The following CALY variants were observed in gnomAD, a reference collection of about 807,000 sequenced individuals.
CALY encodes neuron-specific vesicular protein calcyon.
In CALY, 15 loss-of-function variants were observed where a neutral mutation model predicts 20.2. That is an observed-to-expected ratio of 0.74 (90% CI 0.50 to 1.14). The LOEUF (loss-of-function observed/expected upper bound fraction) is 1.14, where lower values mean the gene tolerates loss of function less well. Ranked by LOEUF, CALY falls within the 50% of genes most tolerant of loss-of-function variation. The pLI is 0.00. For missense variants in CALY, 270 were observed against 304.4 expected (o/e 0.89, Z 0.84); for synonymous variants, 129 against 131.8 (o/e 0.98, Z 0.15).
intron 1 of CALY, among the ~76,000 whole-genome samples, chr10:133,333,970 C>G: frequency 3.9e-5 from 1 of 25,460 alleles, no homozygotes; most frequent in Non-Finnish European, 6.6e-5. Flanking sequence ...GAAGGGGAGG[C>G]TCTGAGGGGG....
chr10:133,332,221 G>A (rs931980090), intron 1 of CALY, among the ~76,000 whole-genome samples: 9 of 151,982 alleles, frequency 5.9e-5, no homozygotes, highest in East Asian at 3.9e-4. Flanking sequence ...GGGCTACTGC[G>A]TGGTGGAAAA....
intron 1 of CALY, among the ~76,000 whole-genome samples, chr10:133,329,610 G>C (rs901680604): frequency 6.6e-6 from 1 of 151,792 alleles, no homozygotes; most frequent in Non-Finnish European, 1.5e-5. Context: ...GGTCTCAAGC[G>C]ATCTGCTTGC....
At position 133,327,029 on chromosome 10, in the gene CALY, CA is replaced by C. The variant is rs754165003; in HGVS notation, c.247-39del. The C allele has an allele frequency of 4.1e-6, 6 of 1,449,128 alleles. No homozygotes were observed. The South Asian group carries it at 6.0e-5, about 14-fold the overall frequency. The allele number at this position is 1,449,128 out of a possible 1,614,324, so 89.8% of individuals were successfully genotyped here. ...CAGAGAGGGGCTCAGCCACGCCAGG[CA>C]GGGGCGGTCTTTGTGGGGAGCTCCT... On this transcript the variant is annotated intron_variant, in intron 3 of 5. Coordinates refer to ENST00000252939, the MANE Select transcript of CALY (RefSeq NM_015722.4).
At chr10:133,336,159 T>A (rs1848438901) in intron 1 of CALY, among the ~76,000 whole-genome samples, 1 of 152,148 alleles carries the variant, frequency 6.6e-6, no homozygotes, top group South Asian at 2.1e-4. Flanking sequence ...CAGGGGGCTG[T>A]GGCTGCCCCG....
rs763108049 is a variant in CALY at position 133,324,324 on chromosome 10, C to T, written c.*1271G>A. 2 of 455,636 alleles carry T rather than the reference C, an allele frequency of 4.4e-6. No homozygotes were observed. The highest frequency in any genetic ancestry group is 2.0e-5 in the African/African-American group (1 of 50,052). The allele number at this position is 455,636 out of a possible 1,614,324, so 28.2% of individuals were successfully genotyped here. On this transcript the variant is annotated 3_prime_UTR_variant, in exon 6 of 6. Coordinates refer to ENST00000252939, the MANE Select transcript of CALY (RefSeq NM_015722.4). ...AGCTCACCATGGCTTCCCTGGCAGGCCCAGTTCACAGGCTTCCTGGGCACT... is the reference window on the plus strand; with the variant it reads ...AGCTCACCATGGCTTCCCTGGCAGGTCCAGTTCACAGGCTTCCTGGGCACT...
intron 1 of CALY, among the ~76,000 whole-genome samples, chr10:133,329,392 C>CTTCTTCTTTTTTTTTT (rs549430070): frequency 2.5e-4 from 35 of 137,454 alleles, no homozygotes; most frequent in African/African-American, 9.6e-4. Context: ...TCTTCTTCTT[C>CTTCTTCTTTTTTTTTT]TTTTTTTTTT....
chr10:133,327,018 G>C lies in CALY; in HGVS notation c.247-27C>G, dbSNP rs374126151. 101 of 1,511,642 alleles carry C rather than the reference G, an allele frequency of 6.7e-5. No homozygotes were observed. The African/African-American group carries it at 1.1e-3, about 17-fold the overall frequency. The allele number at this position is 1,511,642 out of a possible 1,614,324, so 93.6% of individuals were successfully genotyped here. ...TGGCAGGAGGGCAGAGAGGGGCTCA[G>C]CCACGCCAGGCAGGGGCGGTCTTTG... On this transcript the variant is annotated intron_variant, in intron 3 of 5. Transcript: ENST00000252939.
intron 1 of CALY, among the ~76,000 whole-genome samples, chr10:133,329,371 A>G (rs1164400547): frequency 7.5e-6 from 1 of 133,124 alleles, no homozygotes; most frequent in East Asian, 2.1e-4. Context: ...CCTCTTTCTT[A>G]TTCTCCTTCT....
At chr10:133,326,267 C>T in intron 4 of CALY, 147 bp from the exon 5 acceptor site, 1 of 1,550,514 alleles carries the variant, frequency 6.4e-7, no homozygotes, top group Non-Finnish European at 8.7e-7. Context: ...GCCTCCAGTT[C>T]AGAACTCAGG....
rs549194550 is a variant in CALY, at chr10:133,329,422, T to C, written c.-20-413A>G. Among the ~76,000 whole-genome samples, 3 of 148,028 alleles carry C rather than the reference T, an allele frequency of 2.0e-5. No individual in the cohort carries two copies. The East Asian group carries it at 5.8e-4, about 29-fold the overall frequency. On this transcript the variant is annotated intron_variant, in intron 1 of 5. Transcript: ENST00000252939. The stretch of plus-strand genomic sequence containing the variant: ...TTTTTTTTGAGACAGGATCTTGTTT[T>C]GTGGCCCAGGTGGGAGTGCAGTGGT...
At chr10:133,327,140 C>G in intron 3 of CALY, 149 bp from the exon 4 acceptor site, 1 of 640,434 alleles carries the variant, frequency 1.6e-6, no homozygotes, top group African/African-American at 1.8e-5. Context: ...GCTTTTCCAA[C>G]TTTTCCGAGG....
intron 1 of CALY, among the ~76,000 whole-genome samples, chr10:133,332,208 G>A (rs1848321130): frequency 6.6e-6 from 1 of 152,092 alleles, no homozygotes; most frequent in Admixed American, 6.5e-5. Context: ...ATGGAGAGGT[G>A]TGGGGCTACT....
intron 1 of CALY, 47 bp from the exon 2 acceptor site, chr10:133,329,056 T>G: frequency 6.9e-7 from 1 of 1,459,432 alleles, no homozygotes; most frequent in Non-Finnish European, 9.1e-7. Context: ...GCCCCCTGGA[T>G]GCCCACGCCA....
chr10:133,336,685 GCACT>G (rs1848451999), intron 1 of CALY, 145 bp downstream of exon 1: 1 of 153,916 alleles, frequency 6.5e-6, no homozygotes, highest in Non-Finnish European at 1.4e-5. Flanking sequence ...TCGCACACAC[GCACT>G]CACACCCTCA....
intron 1 of CALY, among the ~76,000 whole-genome samples, chr10:133,331,491 TAAATA>T (rs1848307042): frequency 6.6e-6 from 1 of 152,110 alleles, no homozygotes; most frequent in Non-Finnish European, 1.5e-5. Context: ...AATAAATAAA[TAAATA>T]ATTTATTGAA....
At chr10:133,336,485 C>A (rs1220021721) in intron 1 of CALY, among the ~76,000 whole-genome samples, 1 of 152,134 alleles carries the variant, frequency 6.6e-6, no homozygotes, top group Admixed American at 6.5e-5. Flanking sequence ...ACTGGTACCC[C>A]CTCCCCACCT....
intron 1 of CALY, among the ~76,000 whole-genome samples, chr10:133,336,613 A>T (rs1227001898): frequency 6.6e-6 from 1 of 152,170 alleles, no homozygotes; most frequent in Non-Finnish European, 1.5e-5. Context: ...CAGCCAGAGG[A>T]GGCCCGAGGG....
At chr10:133,327,334 G>A (rs771207891) in intron 3 of CALY, 22 of 494,084 alleles carry the variant, frequency 4.5e-5, no homozygotes, top group East Asian at 3.1e-4. Context: ...CAGGGGAGTC[G>A]GAGGCTGCAC....
chr10:133,329,939 C>G (rs1407599312), intron 1 of CALY, among the ~76,000 whole-genome samples: 1 of 152,204 alleles, frequency 6.6e-6, no homozygotes, highest in Non-Finnish European at 1.5e-5. Context: ...GTCAGCCCAG[C>G]TGCGAGCCTG....
Sources: allele counts gnomAD v4.1 joint callset (sites outside exome capture counted in the v4.1 genomes callset), GRCh38; gene constraint gnomAD v4.1.1; transcripts MANE v1.5; gene names NCBI Gene and HGNC (gene_info 2026-07-23, HGNC 2026-07-21).